The following ABI3BP variants were observed in gnomAD, a reference collection of about 807,000 sequenced individuals.
ABI3BP encodes target of Nesh-SH3.
In ABI3BP, 216 loss-of-function variants were observed where a neutral mutation model predicts 268.6. The ratio of observed to expected loss-of-function variants is 0.80; its 90% CI spans 0.72 to 0.90. The LOEUF (loss-of-function observed/expected upper bound fraction) is 0.90. Ranked by LOEUF, ABI3BP falls within the 40% of genes least tolerant of loss-of-function variation. The pLI is 0.00. For missense variants in ABI3BP, 2,090 were observed against 2,182.4 expected (o/e 0.96, Z 0.84); for synonymous variants, 730 against 730.0 (o/e 1.00, Z 0.00).
chr3:100,951,030 C>T (rs565225768), intron 1 of ABI3BP, among the ~76,000 whole-genome samples: 22 of 151,980 alleles, frequency 1.4e-4, no homozygotes, highest in East Asian at 3.9e-4. Context: ...AACTGCTCAC[C>T]GGAGAGTAAC....
intron 1 of ABI3BP, among the ~76,000 whole-genome samples, chr3:100,992,426 T>C (rs1965214): frequency 0.17 from 26,054 of 152,180 alleles, 2,524 homozygotes; most frequent in East Asian, 0.44. Flanking sequence ...TCTGCATTAC[T>C]TCTGATGTTT....
At chr3:100,839,994 G>T in intron 23 of ABI3BP, 78 bp downstream of exon 23, 1 of 1,227,334 alleles carries the variant, frequency 8.1e-7, no homozygotes, top group Non-Finnish European at 1.2e-6. Flanking sequence ...AAGCCCAGTT[G>T]CTCAAGTAGC....
At chr3:100,873,049 G>A (rs1376760768) in intron 9 of ABI3BP, among the ~76,000 whole-genome samples, 1 of 152,062 alleles carries the variant, frequency 6.6e-6, no homozygotes, top group Non-Finnish European at 1.5e-5. Context: ...CCAACTTAAG[G>A]CCTTCCTCTT....
chr3:100,829,752 C>A (rs1255724502), intron 32 of ABI3BP, 88 bp from the exon 33 acceptor site: 16 of 1,042,716 alleles, frequency 1.5e-5, no homozygotes, highest in Admixed American at 6.4e-5. Flanking sequence ...TCTTGACTTC[C>A]AAGAAATGTT....
intron 2 of ABI3BP, among the ~76,000 whole-genome samples, chr3:100,923,980 G>T (rs1049018764): frequency 2.0e-5 from 3 of 152,074 alleles, no homozygotes; most frequent in Non-Finnish European, 2.9e-5. Context: ...GAGTCATTAG[G>T]AAATACATAG....
At chr3:100,874,208 C>T (rs2099138264) in intron 9 of ABI3BP, among the ~76,000 whole-genome samples, 1 of 151,960 alleles carries the variant, frequency 6.6e-6, no homozygotes, top group African/African-American at 2.4e-5. Context: ...GGGTGGTGGG[C>T]AGCAGTCTTT....
chr3:100,801,148 T>C (rs1473698491), intron 51 of ABI3BP, among the ~76,000 whole-genome samples: 10 of 151,820 alleles, frequency 6.6e-5, no homozygotes, highest in Admixed American at 6.6e-4. Flanking sequence ...TTAGAGCAAA[T>C]CTGGAAAAGA....
At chr3:100,843,527 G>A in intron 20 of ABI3BP, 1 of 937,524 alleles carries the variant, frequency 1.1e-6, no homozygotes, top group South Asian at 4.9e-5. Flanking sequence ...GGATGTGTGT[G>A]TGTGTGTGTG....
At chr3:100,989,359 A>G (rs2153987604) in intron 1 of ABI3BP, among the ~76,000 whole-genome samples, 1 of 152,358 alleles carries the variant, frequency 6.6e-6, no homozygotes, top group East Asian at 1.9e-4. Context: ...AATATGAAGC[A>G]CTAAATTACC....
Position 100,818,591 on chromosome 3 carries a change from A to T in ABI3BP, c.3032-10T>A. The T allele has an allele frequency of 6.5e-7, 1 of 1,533,062 alleles. No homozygotes were observed. The highest frequency in any genetic ancestry group is 1.4e-5 in the African/African-American group (1 of 73,120). 95.0% of individuals were successfully genotyped at this position (1,533,062 alleles called of 1,614,324 possible). ...AGATCTGTAGAAGGAACTAATTAAA[A>T]GCAATGAAATAAACTTGTGAAAAGC... On this transcript the variant is annotated splice_polypyrimidine_tract_variant and intron_variant, in intron 40 of 67. Coordinates refer to ENST00000471714, the MANE Select transcript of ABI3BP (RefSeq NM_001375547.2).
intron 1 of ABI3BP, among the ~76,000 whole-genome samples, chr3:100,937,041 G>C (rs955107179): frequency 6.6e-6 from 1 of 151,698 alleles, no homozygotes; most frequent in African/African-American, 2.4e-5. Context: ...TTTGCCAATA[G>C]AGCAATATTT....
chr3:100,875,410 A>G, intron 8 of ABI3BP, 98 bp downstream of exon 8: 2 of 905,960 alleles, frequency 2.2e-6, no homozygotes, highest in East Asian at 2.4e-5. Flanking sequence ...CACATCAATT[A>G]AACAGAACTA....
intron 57 of ABI3BP, among the ~76,000 whole-genome samples, chr3:100,781,586 G>A (rs1304209757): frequency 6.6e-6 from 1 of 152,088 alleles, no homozygotes; most frequent in Non-Finnish European, 1.5e-5. Flanking sequence ...GTTACTCTGT[G>A]AACAGCATAG....
Position 100,757,792 on chromosome 3 carries a change from CAT to C in ABI3BP, c.4851-3103_4851-3102del, listed in dbSNP as rs577845949. Among the ~76,000 whole-genome samples, 5 of 152,044 alleles carry C rather than the reference CAT, an allele frequency of 3.3e-5. No individual in the cohort carries two copies. The South Asian group carries it at 8.3e-4, about 25-fold the overall frequency. On this transcript the variant is annotated intron_variant, in intron 63 of 67. Transcript: ENST00000471714. ...CATCTTGTGAAAAGGTCAGTCTAGA[CAT>C]AGGGATTTAATTGACAGAAGTAATG...
intron 2 of ABI3BP, among the ~76,000 whole-genome samples, chr3:100,906,264 T>A (rs1029809678): frequency 3.3e-5 from 5 of 152,216 alleles, no homozygotes; most frequent in African/African-American, 1.2e-4. Context: ...ATGAGCAATT[T>A]AAAAATACCT....
chr3:100,912,833 C>T (rs67991823), intron 2 of ABI3BP, among the ~76,000 whole-genome samples: 15,649 of 152,238 alleles, frequency 0.1, 1,099 homozygotes, highest in Non-Finnish European at 0.15. Flanking sequence ...TCTCAAAAAA[C>T]GGACCTCCTA....
At chr3:100,898,689 G>A (rs2048804713) in intron 4 of ABI3BP, 73 bp downstream of exon 4, 4 of 1,507,472 alleles carry the variant, frequency 2.7e-6, no homozygotes, top group South Asian at 1.2e-5. Context: ...TTAAGTCAAT[G>A]CTAACAGTCC....
chr3:100,985,738 T>C (rs983605010), intron 1 of ABI3BP, among the ~76,000 whole-genome samples: 1 of 152,204 alleles, frequency 6.6e-6, no homozygotes, highest in African/African-American at 2.4e-5. Flanking sequence ...TCTTAAGATA[T>C]TTATCTCAAT....
At chr3:100,962,230 A>C (rs980707746) in intron 1 of ABI3BP, among the ~76,000 whole-genome samples, 1 of 151,934 alleles carries the variant, frequency 6.6e-6, no homozygotes, top group Non-Finnish European at 1.5e-5. Context: ...AACTCCCTCA[A>C]ATCCCCACTT....
Sources: allele counts gnomAD v4.1 joint callset (sites outside exome capture counted in the v4.1 genomes callset), GRCh38; gene constraint gnomAD v4.1.1; transcripts MANE v1.5; gene names NCBI Gene and HGNC (gene_info 2026-07-23, HGNC 2026-07-21).